The following TIAM2 variants were observed in gnomAD, a reference collection of about 807,000 sequenced individuals.
TIAM2 encodes TIAM Rac1 associated GEF 2.
TIAM2 carries 80 observed loss-of-function variants against 152.9 expected under a neutral mutation model. The observed-to-expected ratio is 0.52, with a 90% confidence interval of 0.44 to 0.63. The LOEUF (loss-of-function observed/expected upper bound fraction) is 0.63. Among genes scored for constraint, TIAM2 ranks in the 30% least tolerant of loss-of-function variants. TIAM2 has a pLI of 0.00. For synonymous variants in TIAM2, 804 were observed against 838.0 expected, an observed-to-expected ratio of 0.96 and a Z score of 0.70; for missense variants, 1,965 against 2,120.1, an observed-to-expected ratio of 0.93 and a Z score of 1.44.
chr6:155,002,213 A>G (rs1778325409), intron 1 of TIAM2, among the ~76,000 whole-genome samples: 1 of 152,200 alleles, frequency 6.6e-6, no homozygotes, highest in South Asian at 2.1e-4. Flanking sequence ...ATTTGAGACC[A>G]GCCTAGGCAA....
intron 21 of TIAM2, 197 bp from the exon 22 acceptor site, chr6:155,250,716 T>C: frequency 8.1e-7 from 1 of 1,237,640 alleles, no homozygotes; most frequent in East Asian, 2.5e-5. Flanking sequence ...ACCTTTATGT[T>C]ATTCATCAGA....
At chr6:155,010,095 C>T (rs1778462018) in intron 1 of TIAM2, among the ~76,000 whole-genome samples, 2 of 152,108 alleles carry the variant, frequency 1.3e-5, no homozygotes, top group Admixed American at 6.6e-5. Context: ...CTCAGCCTCC[C>T]GAAGTCCTAG....
intron 19 of TIAM2, 68 bp from the exon 20 acceptor site, chr6:155,247,930 TAA>T: frequency 6.6e-7 from 1 of 1,521,800 alleles, no homozygotes; most frequent in South Asian, 1.3e-5. Context: ...CTATAAATGT[TAA>T]AAGAGAAATG....
chr6:155,140,375 C>T (rs1291732547), intron 5 of TIAM2, among the ~76,000 whole-genome samples: 3 of 152,214 alleles, frequency 2.0e-5, no homozygotes, highest in African/African-American at 7.2e-5. Flanking sequence ...GATGTGAATA[C>T]TTAGAATGGA....
At position 155,156,842 on chromosome 6, in the gene TIAM2, G is replaced by T. The variant is rs764995309; in HGVS notation, c.2029-7573G>T. Among the ~76,000 whole-genome samples, 1 of 152,092 alleles carries T rather than the reference G, an allele frequency of 6.6e-6. No individual in the cohort carries two copies. Among genetic ancestry groups the T allele is most frequent in the Non-Finnish European group, 1.5e-5 (1 of 68,018 alleles). On this transcript the variant is annotated intron_variant, in intron 7 of 26. Transcript: ENST00000682666. The surrounding 1 kb of genome is among the most constrained non-coding windows in gnomAD (Gnocchi z 4.4). ...GGACTCCTGTGCTGTGCACAAATGT[G>T]CCCTGCTCCCCTCCGCCCTCTTCAT...
intron 1 of TIAM2, among the ~76,000 whole-genome samples, chr6:155,064,450 A>G (rs562756123): frequency 6.6e-6 from 1 of 152,276 alleles, no homozygotes; most frequent in South Asian, 2.1e-4. Context: ...CTATGCCTTA[A>G]TTGTGAATTG....
At chr6:155,038,073 G>A (rs1776955155) in intron 1 of TIAM2, among the ~76,000 whole-genome samples, 1 of 152,158 alleles carries the variant, frequency 6.6e-6, no homozygotes. Context: ...TAAATAAGGA[G>A]CATTAAAACA....
chr6:155,018,268 G>T (rs1778632789), intron 1 of TIAM2, among the ~76,000 whole-genome samples: 1 of 148,188 alleles, frequency 6.7e-6, no homozygotes, highest in Admixed American at 6.9e-5. Flanking sequence ...TGTGTGTGCA[G>T]ATAGATATAT....
chr6:155,236,899 A>C (rs1451298576), intron 15 of TIAM2, among the ~76,000 whole-genome samples: 1 of 152,212 alleles, frequency 6.6e-6, no homozygotes, highest in Non-Finnish European at 1.5e-5. Context: ...GTGGGGACAC[A>C]GAGCCAAACC....
At position 155,164,511 on chromosome 6, in the gene TIAM2, C is replaced by G. The variant is rs1402979819; in HGVS notation, c.2125C>G (p.Pro709Ala). 3 of 1,613,972 alleles carry G rather than the reference C, an allele frequency of 1.9e-6. No homozygotes were observed. The highest frequency in any genetic ancestry group is 1.3e-5 in the African/African-American group (1 of 74,894). ...ASLQGGELPN[P>A]KSLLAAASRP... ...CCTACAAGGTGGGGAGTTACCGAACCCAAAGAGTCTCCTTGCAGCCGCCAG... is the reference window on the plus strand; with the variant it reads ...CCTACAAGGTGGGGAGTTACCGAACGCAAAGAGTCTCCTTGCAGCCGCCAG... The change falls in exon 8 of 27, where the codon CCA becomes GCA. Residue 709 changes from proline (P) to alanine (A), a missense_variant. Physicochemically the swap from Pro to Ala is conservative, Grantham distance 27. This residue lies in a region of TIAM2 where 1,025 missense variants were observed against 1,119.4 expected (regional missense o/e 0.92). Transcript: ENST00000682666.
In TIAM2 at chr6:155,222,089, G is replaced by A. The variant is rs1208803914; in HGVS notation, c.3168+10782G>A. Reference sequence around the variant, plus strand: ...ATGCCTCAGCCTCCTCAGTACCTGGGACCACAGGTGCACGCCACCATGCCC... The same window carrying A: ...ATGCCTCAGCCTCCTCAGTACCTGGAACCACAGGTGCACGCCACCATGCCC... On this transcript the variant is annotated intron_variant, in intron 15 of 26. Coordinates refer to ENST00000682666, the MANE Select transcript of TIAM2 (RefSeq NM_012454.4). 2.6e-5 allele frequency among the ~76,000 whole-genome samples: 4 copies of A among 151,976 alleles called. No individual in the cohort carries two copies. The South Asian group carries it at 8.3e-4, about 32-fold the overall frequency.
At chr6:155,216,303 T>C (rs887106219) in intron 15 of TIAM2, among the ~76,000 whole-genome samples, 2 of 152,180 alleles carry the variant, frequency 1.3e-5, no homozygotes, top group South Asian at 4.1e-4. Flanking sequence ...TCAGGGGTCA[T>C]TAACTTCTTT....
chr6:155,152,692 A>T (rs761505635), intron 7 of TIAM2, among the ~76,000 whole-genome samples: 1 of 152,042 alleles, frequency 6.6e-6, no homozygotes, highest in Non-Finnish European at 1.5e-5. Flanking sequence ...CCATAATCGT[A>T]GTCGAAGGGA....
chr6:155,147,468 G>A lies in TIAM2; in HGVS notation c.1804-642G>A, dbSNP rs1045883594. Among the ~76,000 whole-genome samples, 20 of 151,950 alleles carry A rather than the reference G, an allele frequency of 1.3e-4. 1 individual carries two copies. Among genetic ancestry groups the A allele is most frequent in the East Asian group, 5.8e-4 (3 of 5,168 alleles). ...ATTTCAGGCATGCACCACCACACCC[G>A]GCTAATTTTTGTGTTTTATTTATTT... On this transcript the variant is annotated intron_variant, in intron 6 of 26. Coordinates refer to ENST00000682666, the MANE Select transcript of TIAM2 (RefSeq NM_012454.4).
intron 4 of TIAM2, among the ~76,000 whole-genome samples, chr6:155,134,567 G>A (rs892291310): frequency 7.9e-5 from 12 of 152,114 alleles, no homozygotes; most frequent in Admixed American, 2.0e-4. Context: ...AGCATATTCC[G>A]TCATGGCCCT....
At chr6:155,034,655 G>A (rs1385469117) in intron 1 of TIAM2, among the ~76,000 whole-genome samples, 2 of 152,148 alleles carry the variant, frequency 1.3e-5, no homozygotes, top group African/African-American at 4.8e-5. Context: ...TTTCACCTCA[G>A]AGTTGCATCT....
intron 1 of TIAM2, among the ~76,000 whole-genome samples, chr6:155,077,423 A>G (rs1177095041): frequency 6.6e-6 from 1 of 152,170 alleles, no homozygotes; most frequent in Non-Finnish European, 1.5e-5. Context: ...TGCCTTCTCA[A>G]TTTTCCCTTT....
At chr6:155,166,672 A>G (rs1055657454) in intron 9 of TIAM2, among the ~76,000 whole-genome samples, 2 of 152,222 alleles carry the variant, frequency 1.3e-5, no homozygotes, top group African/African-American at 4.8e-5. Context: ...GTTATGTGAA[A>G]TGTGGCCCAA....
intron 1 of TIAM2, among the ~76,000 whole-genome samples, chr6:154,999,498 C>G (rs1256190203): frequency 6.6e-6 from 1 of 152,106 alleles, no homozygotes; most frequent in South Asian, 2.1e-4. Flanking sequence ...TGAGCCACCG[C>G]TCCTGGCCAG....
Sources: gnomAD v4.1 joint callset for allele counts (sites outside exome capture counted in the v4.1 genomes callset) on GRCh38, gnomAD v4.1.1 for gene constraint, gnomAD v4.1.1 regional missense constraint, Gnocchi (gnomAD v3.1) non-coding constraint, MANE v1.5 for transcripts, NCBI Gene and HGNC (gene_info 2026-07-23, HGNC 2026-07-21) for gene names.